TRMT11: variants seen among roughly 807,000 people sequenced by gnomAD.
TRMT11 encodes the protein tRNA methyltransferase 11, also known as tRNA (guanine(10)-N(2))-methyltransferase TRMT11.
In TRMT11, 53 loss-of-function variants were observed where a neutral mutation model predicts 62.8. The ratio of observed to expected loss-of-function variants is 0.84; its 90% confidence interval spans 0.68 to 1.06. TRMT11 has a LOEUF of 1.06. TRMT11 is among the 50% of genes least tolerant of loss of function. The probability of loss-of-function intolerance (pLI) is 0.00; values close to 1 mark genes in which losing one functional copy is unlikely to be tolerated. For missense variants in TRMT11, 556 were observed against 553.4 expected, an observed-to-expected ratio of 1.00 and a Z score of -0.05; for synonymous variants, 188 against 190.3, an observed-to-expected ratio of 0.99 and a Z score of 0.10.
At chr6:126,018,327 A>G (rs1335276664) in intron 11 of TRMT11, among the ~76,000 whole-genome samples, 1 of 152,168 alleles carries the variant, frequency 6.6e-6, no homozygotes, top group African/African-American at 2.4e-5. Context: ...TAAATGTTCA[A>G]TCAATGCAAA....
the TRMT11 span, among the ~76,000 whole-genome samples, chr6:126,241,304 A>G: frequency 6.6e-6 from 1 of 152,180 alleles, no homozygotes. Flanking sequence ...GGAGCTGTAG[A>G]CAGGAGCTGT....
chr6:126,256,904 G>C, the TRMT11 span, among the ~76,000 whole-genome samples: 1 of 151,648 alleles, frequency 6.6e-6, no homozygotes, highest in African/African-American at 2.4e-5. Flanking sequence ...TTTGTTTTTC[G>C]AGATGGAGTC....
intron 1 of TRMT11, among the ~76,000 whole-genome samples, chr6:126,181,855 CT>C (rs1387691858): frequency 1.3e-5 from 2 of 152,126 alleles, no homozygotes; most frequent in Non-Finnish European, 2.9e-5. Context: ...ATTTCCTTTC[CT>C]TTATTAATTC....
intron 7 of TRMT11, among the ~76,000 whole-genome samples, chr6:126,004,179 G>T (rs578225407): frequency 6.6e-6 from 1 of 152,056 alleles, no homozygotes; most frequent in South Asian, 2.1e-4. Context: ...AAATATGGTT[G>T]CCAGTATGGG....
At chr6:126,146,373 G>A (rs1777974632) in intron 21 of TRMT11, among the ~76,000 whole-genome samples, 1 of 152,190 alleles carries the variant, frequency 6.6e-6, no homozygotes, top group African/African-American at 2.4e-5. Context: ...AGAGGAAAAA[G>A]TAGCAGCAGG....
chr6:126,133,189 A>C (rs1777808830), intron 21 of TRMT11, among the ~76,000 whole-genome samples: 1 of 152,024 alleles, frequency 6.6e-6, no homozygotes, highest in African/African-American at 2.4e-5. Flanking sequence ...TTAGAAAAAC[A>C]TGTTATTCTC....
chr6:126,184,630 T>G (rs1778505942), intron 1 of TRMT11, among the ~76,000 whole-genome samples: 1 of 152,130 alleles, frequency 6.6e-6, no homozygotes, highest in South Asian at 2.1e-4. Context: ...TCTCTCCCCC[T>G]GTATCTTTCT....
intron 17 of TRMT11, among the ~76,000 whole-genome samples, chr6:126,105,040 C>T (rs1777448780): frequency 6.6e-6 from 1 of 152,186 alleles, no homozygotes; most frequent in South Asian, 2.1e-4. Flanking sequence ...GCACCACTGA[C>T]CCTCATTTCA....
At chr6:126,109,489 A>C (rs1003114239) in intron 17 of TRMT11, among the ~76,000 whole-genome samples, 1 of 152,186 alleles carries the variant, frequency 6.6e-6, no homozygotes, top group African/African-American at 2.4e-5. Flanking sequence ...CTATGTTCTC[A>C]GTGCATCATA....
In TRMT11 at chr6:126,000,873, A is replaced by T. The variant is rs145305873; in HGVS notation, c.679+1260A>T. Reference sequence around the variant, plus strand: ...CATTATCCTAAGTAACTCACCCCAAATTTTAAACTTTTTATTGGAAATAAT... The same window carrying T: ...CATTATCCTAAGTAACTCACCCCAATTTTTAAACTTTTTATTGGAAATAAT... On this transcript the variant is annotated intron_variant, in intron 7 of 12. Transcript: ENST00000334379. Among the ~76,000 whole-genome samples, 880 of 152,232 alleles carry T rather than the reference A, an allele frequency of 5.8e-3. 10 individuals carry two copies. Among genetic ancestry groups the T allele is most frequent in the African/African-American group, 0.02 (842 of 41,552 alleles).
At chr6:126,215,771 A>G in the TRMT11 span, among the ~76,000 whole-genome samples, 5 of 151,816 alleles carry the variant, frequency 3.3e-5, no homozygotes, top group Admixed American at 1.3e-4. Context: ...TGAGGTTATC[A>G]TGAGGCTTGG....
chr6:126,129,690 A>T (rs889935121), intron 21 of TRMT11, among the ~76,000 whole-genome samples: 1 of 151,802 alleles, frequency 6.6e-6, no homozygotes, highest in Non-Finnish European at 1.5e-5. Context: ...GACTGGATTT[A>T]AAAAAAATTT....
chr6:126,200,835 G>A (rs943714942), intron 3 of TRMT11, among the ~76,000 whole-genome samples: 1 of 152,188 alleles, frequency 6.6e-6, no homozygotes, highest in African/African-American at 2.4e-5. Flanking sequence ...TTACAGGCGT[G>A]ACCCACCGCG....
intron 21 of TRMT11, among the ~76,000 whole-genome samples, chr6:126,138,188 A>G (rs1220259754): frequency 1.3e-5 from 2 of 151,986 alleles, no homozygotes; most frequent in Non-Finnish European, 2.9e-5. Context: ...TGATCACTAT[A>G]TGTTGTATAT....
chr6:126,103,254 C>A (rs1002841545), intron 17 of TRMT11, among the ~76,000 whole-genome samples: 7 of 152,204 alleles, frequency 4.6e-5, no homozygotes, highest in African/African-American at 7.2e-5. Context: ...TTTGTTTAAT[C>A]TTTCCATCCA....
At chr6:126,019,114 A>G (rs543187313) in intron 11 of TRMT11, among the ~76,000 whole-genome samples, 2 of 152,270 alleles carry the variant, frequency 1.3e-5, no homozygotes, top group South Asian at 4.1e-4. Context: ...TCCTGACCTC[A>G]GGTGATCCAC....
intron 12 of TRMT11, among the ~76,000 whole-genome samples, chr6:126,032,874 A>T (rs1170524025): frequency 6.6e-6 from 1 of 152,186 alleles, no homozygotes; most frequent in African/African-American, 2.4e-5. Context: ...TATTTAAATC[A>T]TCCATTTAAA....
the TRMT11 span, among the ~76,000 whole-genome samples, chr6:126,269,179 G>A: frequency 3.4e-5 from 5 of 148,064 alleles, no homozygotes; most frequent in South Asian, 1.1e-3. Flanking sequence ...CAGGAGAATG[G>A]CGTGAACCCG....
chr6:126,252,281 G>C, the TRMT11 span, among the ~76,000 whole-genome samples: 1 of 152,324 alleles, frequency 6.6e-6, no homozygotes, highest in South Asian at 2.1e-4. Context: ...TGTCTGGTAT[G>C]TGACTTGGGA....
Sources: gnomAD v4.1 joint callset for allele counts (sites outside exome capture counted in the v4.1 genomes callset) on GRCh38, gnomAD v4.1.1 for gene constraint, MANE v1.5 for transcripts, NCBI Gene and HGNC (gene_info 2026-07-23, HGNC 2026-07-21) for gene names.